FSTL5: variants seen among roughly 807,000 people sequenced by gnomAD.
FSTL5 encodes the protein follistatin-related protein 5.
FSTL5 carries 62 observed loss-of-function variants against 89.1 expected under a neutral mutation model. The ratio of observed to expected loss-of-function variants is 0.70; its 90% CI spans 0.57 to 0.86. FSTL5 has a LOEUF of 0.86. Ranked by LOEUF, FSTL5 falls within the 40% of genes least tolerant of loss-of-function variation. The pLI, the probability that FSTL5 is intolerant of heterozygous loss-of-function variation, is 0.00. For synonymous variants in FSTL5, 383 were observed against 346.2 expected (o/e 1.11, Z -1.18); for missense variants, 1,057 against 1,001.6 (o/e 1.06, Z -0.75).
At chr4:162,127,209 G>A (rs918395768) in intron 1 of FSTL5, among the ~76,000 whole-genome samples, 5 of 152,154 alleles carry the variant, frequency 3.3e-5, no homozygotes, top group Non-Finnish European at 5.9e-5. Context: ...CTACTTCCTC[G>A]GAAACCCTTG....
chr4:161,920,342 G>A, intron 4 of FSTL5, 62 bp downstream of exon 4: 1 of 1,520,940 alleles, frequency 6.6e-7, no homozygotes, highest in Non-Finnish European at 8.9e-7. Flanking sequence ...GAGTTTAAAG[G>A]CACTAGTTGA....
In FSTL5 at chr4:161,457,488, G is replaced by A. The variant is rs1223771592; in HGVS notation, c.1716+1724C>T. ...ATACCTCCAGAAGGCTGTTTTCTGT[G>A]TACAATGTCAAAGGAATTTGTCTAA... is the stretch of plus-strand genomic sequence containing the variant. On this transcript the variant is annotated intron_variant, in intron 14 of 15. Transcript: ENST00000306100. 2.0e-5 allele frequency among the ~76,000 whole-genome samples: 3 copies of A among 152,128 alleles called. No individual in the cohort carries two copies. In the East Asian group the frequency reaches 5.8e-4, roughly 29 times the overall value.
At chr4:161,414,848 G>A (rs1055017770) in intron 15 of FSTL5, among the ~76,000 whole-genome samples, 1 of 152,158 alleles carries the variant, frequency 6.6e-6, no homozygotes, top group Non-Finnish European at 1.5e-5. Context: ...CACATGTTCT[G>A]GAGTTAGGTC....
At chr4:161,676,618 C>T (rs547619814) in intron 6 of FSTL5, among the ~76,000 whole-genome samples, 63 of 151,912 alleles carry the variant, frequency 4.1e-4, no homozygotes, top group African/African-American at 1.2e-3. Flanking sequence ...CAAACCTGCA[C>T]GTTCTGCATA....
chr4:161,790,304 A>C (rs777305902), intron 4 of FSTL5, among the ~76,000 whole-genome samples: 3 of 152,046 alleles, frequency 2.0e-5, no homozygotes, highest in Non-Finnish European at 2.9e-5. Context: ...TGTCCACCTG[A>C]GTCCACACAA....
At chr4:161,980,759 A>G (rs999124769) in intron 3 of FSTL5, among the ~76,000 whole-genome samples, 1 of 145,304 alleles carries the variant, frequency 6.9e-6, no homozygotes, top group Admixed American at 7.0e-5. Context: ...ACTTTCTTCA[A>G]GTAACTTTTT....
At chr4:161,999,793 C>T (rs1232717763) in intron 3 of FSTL5, among the ~76,000 whole-genome samples, 1 of 152,168 alleles carries the variant, frequency 6.6e-6, no homozygotes, top group Non-Finnish European at 1.5e-5. Context: ...AATCATGATA[C>T]ATAATGCACA....
intron 4 of FSTL5, among the ~76,000 whole-genome samples, chr4:161,871,227 T>C (rs1243283174): frequency 6.6e-6 from 1 of 152,128 alleles, no homozygotes; most frequent in African/African-American, 2.4e-5. Context: ...ATTAATAGTT[T>C]TACCTTACAT....
At position 161,601,842 on chromosome 4, in the gene FSTL5, C is replaced by A. The variant is rs554879422; in HGVS notation, c.895-14267G>T. 2.6e-5 allele frequency among the ~76,000 whole-genome samples: 4 copies of A among 152,156 alleles called. No homozygotes were observed. The South Asian group carries it at 8.3e-4, about 32-fold the overall frequency. On this transcript the variant is annotated intron_variant, in intron 7 of 15. Coordinates refer to ENST00000306100, the MANE Select transcript of FSTL5 (RefSeq NM_020116.5). Reference sequence around the variant, plus strand: ...AATGAAGATCTCCCAGAAAAAGAGGCATGCCTACTTCCAGGCATAAACACT... The same window carrying A: ...AATGAAGATCTCCCAGAAAAAGAGGAATGCCTACTTCCAGGCATAAACACT...
chr4:161,465,619 G>C (rs958291711), intron 13 of FSTL5, among the ~76,000 whole-genome samples: 1 of 152,102 alleles, frequency 6.6e-6, no homozygotes, highest in Admixed American at 6.6e-5. Flanking sequence ...TATTTTGCTA[G>C]AAAAGTTGTT....
rs200379016 is a variant in FSTL5 at position 161,655,661 on chromosome 4, TC to T, written c.894+666del. ...AGAAGTAAGTCTAATTCTATCCTGA[TC>T]CTATCCTTATCCTTAGAACCAACAC... is the stretch of plus-strand genomic sequence containing the variant. On this transcript the variant is annotated intron_variant, in intron 7 of 15. Transcript: ENST00000306100. Among the ~76,000 whole-genome samples the T allele has an allele frequency of 6.0e-3, 915 of 152,300 alleles. 9 individuals carry two copies. The highest frequency in any genetic ancestry group is 0.045 in the South Asian group (218 of 4,824).
At chr4:161,741,946 G>C (rs1296133659) in intron 6 of FSTL5, among the ~76,000 whole-genome samples, 1 of 151,978 alleles carries the variant, frequency 6.6e-6, no homozygotes, top group Non-Finnish European at 1.5e-5. Context: ...GCAGCCTAGA[G>C]ACTAGAAAGG....
chr4:161,887,276 T>A (rs571811571), intron 4 of FSTL5, among the ~76,000 whole-genome samples: 36 of 152,284 alleles, frequency 2.4e-4, no homozygotes, highest in African/African-American at 8.4e-4. Flanking sequence ...AGTGTTGCTA[T>A]ATCCACTACT....
chr4:162,156,991 T>A (rs1733499427), intron 1 of FSTL5, among the ~76,000 whole-genome samples: 2 of 152,202 alleles, frequency 1.3e-5, no homozygotes, highest in Non-Finnish European at 2.9e-5. Flanking sequence ...ACTGTGTTTA[T>A]AAATGCTTAA....
chr4:162,074,694 A>G (rs1343205651), intron 2 of FSTL5, among the ~76,000 whole-genome samples: 1 of 151,808 alleles, frequency 6.6e-6, no homozygotes, highest in African/African-American at 2.4e-5. Flanking sequence ...ATGTTTTGAT[A>G]TATGTATACA....
chr4:161,751,634 A>G (rs1270184822), intron 6 of FSTL5, among the ~76,000 whole-genome samples: 1 of 152,084 alleles, frequency 6.6e-6, no homozygotes, highest in Admixed American at 6.6e-5. Flanking sequence ...TAAATAAATT[A>G]GCCAAATGAG....
intron 1 of FSTL5, among the ~76,000 whole-genome samples, chr4:162,133,847 T>C (rs1025457098): frequency 6.6e-6 from 1 of 152,218 alleles, no homozygotes; most frequent in African/African-American, 2.4e-5. Flanking sequence ...TTCAACTTCC[T>C]TTCTTCTCAG....
chr4:161,468,244 ATTTT>A (rs35455811), intron 13 of FSTL5, among the ~76,000 whole-genome samples: 6 of 143,200 alleles, frequency 4.2e-5, no homozygotes, highest in Admixed American at 7.0e-5. Flanking sequence ...AAGTGCCTAC[ATTTT>A]TTTTTTTTTT....
At chr4:161,714,272 A>T (rs1738902138) in intron 6 of FSTL5, among the ~76,000 whole-genome samples, 1 of 152,002 alleles carries the variant, frequency 6.6e-6, no homozygotes, top group South Asian at 2.1e-4. Flanking sequence ...AGGAGAATGT[A>T]AATCAAAACC....
Sources: allele counts gnomAD v4.1 joint callset (sites outside exome capture counted in the v4.1 genomes callset), GRCh38; gene constraint gnomAD v4.1.1; transcripts MANE v1.5; gene names NCBI Gene and HGNC (gene_info 2026-07-23, HGNC 2026-07-21).